SMARCE1: variants seen among roughly 807,000 people sequenced by gnomAD.
SMARCE1 encodes the protein SWI/SNF-related matrix-associated actin-dependent regulator of chromatin subfamily E member 1.
A neutral mutation model predicts 54.9 loss-of-function variants in SMARCE1; 13 were observed. The ratio of observed to expected loss-of-function variants is 0.24; its 90% CI spans 0.15 to 0.38. SMARCE1 has a LOEUF of 0.38. Among genes scored for constraint, SMARCE1 ranks in the 10% least tolerant of loss-of-function variants. SMARCE1 has a pLI of 1.00. For synonymous variants in SMARCE1, 151 were observed against 175.3 expected (o/e 0.86, Z 1.10); for missense variants, 295 against 523.8 (o/e 0.56, Z 4.26).
At chr17:40,635,850 AT>A in intron 7 of SMARCE1, 80 bp downstream of exon 7, 1 of 1,065,926 alleles carries the variant, frequency 9.4e-7, no homozygotes, top group African/African-American at 1.6e-5. Context: ...AGGATAAGAA[AT>A]AAAAACTTAT....
chr17:40,631,927 A>G (rs2037099145), intron 8 of SMARCE1: 2 of 550,364 alleles, frequency 3.6e-6, no homozygotes, highest in South Asian at 2.8e-5. Context: ...GCATAGCAGT[A>G]AAGATTGATA....
chr17:40,627,031 T>G lies in SMARCE1; in HGVS notation c.*1754A>C, dbSNP rs1416618400. ...CACAGTAAATAACCTGGTATCTTGC[T>G]GGGGCAGTTTTCCACCCATATTAAA... is the stretch of plus-strand genomic sequence containing the variant. On this transcript the variant is annotated 3_prime_UTR_variant, in exon 11 of 11. Coordinates refer to ENST00000348513, the MANE Select transcript of SMARCE1 (RefSeq NM_003079.5). The G allele has an allele frequency of 6.6e-6, 1 of 152,206 alleles. No individual in the cohort carries two copies. The highest frequency in any genetic ancestry group is 1.5e-5 in the Non-Finnish European group (1 of 68,038). 9.4% of individuals were successfully genotyped at this position (152,206 alleles called of 1,614,324 possible).
intron 10 of SMARCE1, 37 bp downstream of exon 10, chr17:40,630,677 C>T (rs1274396490): frequency 7.7e-6 from 12 of 1,553,192 alleles, no homozygotes; most frequent in Non-Finnish European, 1.1e-5. Flanking sequence ...CGTACAAAGT[C>T]TTGGCACTGC....
chr17:40,637,315 T>C (rs1278037994), intron 5 of SMARCE1, 177 bp downstream of exon 5: 5 of 642,104 alleles, frequency 7.8e-6, no homozygotes, highest in South Asian at 1.7e-5. Flanking sequence ...GCTCCTCTTG[T>C]TGGATTTTAG....
intron 7 of SMARCE1, chr17:40,633,096 AC>A (rs1459837477): frequency 6.6e-6 from 1 of 152,166 alleles, no homozygotes; most frequent in Admixed American, 6.5e-5. Context: ...TGCAACCTCC[AC>A]CTGCCAGGTT....
chr17:40,628,593 G>A lies in SMARCE1; in HGVS notation c.*192C>T. The stretch of plus-strand genomic sequence containing the variant: ...CTAGAAACAAGATCCAAAGAAAAGA[G>A]CCATCTTCACAACACTTAAGAAAGG... On this transcript the variant is annotated 3_prime_UTR_variant, in exon 11 of 11. Transcript: ENST00000348513. 3.7e-6 allele frequency: 2 copies of A among 546,002 alleles called. No individual in the cohort carries two copies. The highest frequency in any genetic ancestry group is 6.5e-6 in the Non-Finnish European group (2 of 305,488). The allele number at this position is 546,002 out of a possible 1,614,324, so 33.8% of individuals were successfully genotyped here. A position where few individuals can be genotyped will look rare whatever the true frequency, so the allele number is the denominator to read the frequency against.
intron 1 of SMARCE1, 40 bp from the exon 2 acceptor site, chr17:40,645,887 A>C: frequency 1.6e-6 from 1 of 634,786 alleles, no homozygotes; most frequent in Non-Finnish European, 2.4e-6. Context: ...GAGAATCAAA[A>C]CTCAGCAAGC....
intron 4 of SMARCE1, chr17:40,641,645 G>C (rs1194703119): frequency 6.6e-6 from 1 of 152,016 alleles, no homozygotes; most frequent in African/African-American, 2.4e-5. Context: ...TTGACTTTTG[G>C]ATTTTTTATC....
rs2037039742 is a variant in SMARCE1, at chr17:40,626,802, A to G, written c.*1983T>C. The G allele has an allele frequency of 6.9e-6, 1 of 145,366 alleles. No homozygotes were observed. Among genetic ancestry groups the G allele is most frequent in the Non-Finnish European group, 1.5e-5 (1 of 67,174 alleles). The allele number at this position is 145,366 out of a possible 1,614,324, so 9.0% of individuals were successfully genotyped here. A position where few individuals can be genotyped will look rare whatever the true frequency, so the allele number is the denominator to read the frequency against. On this transcript the variant is annotated 3_prime_UTR_variant, in exon 11 of 11. Coordinates refer to ENST00000348513, the MANE Select transcript of SMARCE1 (RefSeq NM_003079.5). ...GCAGAGAGAATTGCTTGAACCTGGGAGGTGGAGGTTGCAGTGAGCTGAGAT... is the reference window on the plus strand; with the variant it reads ...GCAGAGAGAATTGCTTGAACCTGGGGGGTGGAGGTTGCAGTGAGCTGAGAT...
intron 8 of SMARCE1, chr17:40,631,942 G>A (rs773242610): frequency 9.3e-6 from 5 of 539,524 alleles, no homozygotes; most frequent in Non-Finnish European, 1.6e-5. Flanking sequence ...TTGATAGGAT[G>A]CCTCAAAATT....
At chr17:40,631,495 CA>C in intron 9 of SMARCE1, 96 bp downstream of exon 9, 1 of 666,178 alleles carries the variant, frequency 1.5e-6, no homozygotes, top group South Asian at 1.9e-5. Context: ...TCAAAGTGAA[CA>C]ACATTCAATA....
rs192390185 is a variant in SMARCE1 at position 40,638,557 on chromosome 17, T to C, written c.157-985A>G. Among the ~76,000 whole-genome samples the C allele has an allele frequency of 1.2e-4, 18 of 152,276 alleles. No homozygotes were observed. The East Asian group carries it at 3.5e-3, about 29-fold the overall frequency. On this transcript the variant is annotated intron_variant, in intron 4 of 10. Coordinates refer to ENST00000348513, the MANE Select transcript of SMARCE1 (RefSeq NM_003079.5). ...AGGTGAGATTCCAGACAGCCTCTGG[T>C]AGACCACCCAGATAACACCCATCTA...
In SMARCE1 at chr17:40,627,405, T is replaced by C. The variant is rs995098070; in HGVS notation, c.*1380A>G. The C allele has an allele frequency of 2.0e-5, 3 of 152,240 alleles. No individual in the cohort carries two copies. The highest frequency in any genetic ancestry group is 4.8e-5 in the African/African-American group (2 of 41,462). 9.4% of individuals were successfully genotyped at this position (152,240 alleles called of 1,614,324 possible). Reference sequence around the variant, plus strand: ...TATCATTTAGCCATTCTTTCAAAGATAATTCAAACGTTACAGATTTCTCCA... The same window carrying C: ...TATCATTTAGCCATTCTTTCAAAGACAATTCAAACGTTACAGATTTCTCCA... On this transcript the variant is annotated 3_prime_UTR_variant, in exon 11 of 11. Transcript: ENST00000348513.
In SMARCE1 at chr17:40,636,744, G is replaced by A. The variant is rs8070145; in HGVS notation, c.238-218C>T. The A allele has an allele frequency of 0.049, 21,117 of 427,996 alleles. 3,150 individuals are homozygous for A. Among genetic ancestry groups the A allele is most frequent in the African/African-American group, 0.35 (17,244 of 49,844 alleles). The allele number at this position is 427,996 out of a possible 1,614,324, so 26.5% of individuals were successfully genotyped here. A position where few individuals can be genotyped will look rare whatever the true frequency, so the allele number is the denominator to read the frequency against. On this transcript the variant is annotated intron_variant, in intron 5 of 10. Coordinates refer to ENST00000348513, the MANE Select transcript of SMARCE1 (RefSeq NM_003079.5). Reference sequence around the variant, plus strand: ...CTTTAAGATAGATCTCAGACATCACGTCACTCACTTATAAATACTTCAATT... The same window carrying A: ...CTTTAAGATAGATCTCAGACATCACATCACTCACTTATAAATACTTCAATT...
chr17:40,631,957 A>G (rs2037099507), intron 8 of SMARCE1: 1 of 544,292 alleles, frequency 1.8e-6, no homozygotes, highest in Non-Finnish European at 3.2e-6. Context: ...AAAATTCTTA[A>G]GTTCACACGT....
chr17:40,637,056 T>G (rs973236174), intron 5 of SMARCE1: 1 of 152,044 alleles, frequency 6.6e-6, no homozygotes, highest in Admixed American at 6.4e-5. Context: ...AAAGGAAAAC[T>G]TGAGGAAAAG....
Position 40,645,832 on chromosome 17 carries a change from G to T in SMARCE1, c.-30C>A. The T allele has an allele frequency of 1.1e-5, 11 of 1,000,368 alleles. No individual in the cohort carries two copies. The highest frequency in any genetic ancestry group is 1.5e-5 in the Non-Finnish European group (11 of 737,066). 62.0% of individuals were successfully genotyped at this position (1,000,368 alleles called of 1,614,324 possible). A position where few individuals can be genotyped will look rare whatever the true frequency, so the allele number is the denominator to read the frequency against. ...GAAGATTAAGTTCTCAGTTCCTTAA[G>T]AATGAATCTGAGACACTAAAATAAA... On this transcript the variant is annotated 5_prime_UTR_variant, in exon 2 of 11. Transcript: ENST00000348513.
At chr17:40,646,655 C>T (rs893254238) in intron 1 of SMARCE1, among the ~76,000 whole-genome samples, 1 of 152,186 alleles carries the variant, frequency 6.6e-6, no homozygotes, top group African/African-American at 2.4e-5. Context: ...CAGCTCACAA[C>T]ATAACCAGGC....
In SMARCE1 at chr17:40,636,014, A is replaced by G; in HGVS notation, c.458T>C (p.Leu153Ser). 6.2e-7 allele frequency: 1 copy of G among 1,613,724 alleles called. No individual in the cohort carries two copies. Among genetic ancestry groups the G allele is most frequent in the Non-Finnish European group, 8.5e-7 (1 of 1,179,804 alleles). Residue 153 changes from leucine (L) to serine (S), a missense_variant, in exon 7 of 11, where the codon TTA (leucine) becomes TCA (serine). Physicochemically the swap from Leu to Ser is moderately radical, Grantham distance 145 (BLOSUM62 -2). Around this residue, in one of 5 missense-constraint regions of SMARCE1, gnomAD observed 101 missense variants for 183.1 expected, o/e 0.55. Coordinates refer to ENST00000348513, the MANE Select transcript of SMARCE1 (RefSeq NM_003079.5). ...TTGTCTCTGTCGACTTTCTTCCTCT[A>G]AAGCAGCTTCTGCACGACTTTTTGC... Reference protein sequence around the residue: ...INAKSRAEAALEEESRQRQSR... With the variant: ...INAKSRAEAASEEESRQRQSR...
Sources: allele counts gnomAD v4.1 joint callset (sites outside exome capture counted in the v4.1 genomes callset), GRCh38; gene constraint gnomAD v4.1.1; regional missense constraint gnomAD v4.1.1; transcripts MANE v1.5; gene names NCBI Gene and HGNC (gene_info 2026-07-23, HGNC 2026-07-21).